The following DNAI2 variants were observed in gnomAD, a reference collection of about 807,000 sequenced individuals.
The protein encoded by DNAI2 is dynein, axonemal, intermediate polypeptide 2.
In DNAI2, 63 loss-of-function variants were observed where a neutral mutation model predicts 74.7. The observed-to-expected ratio is 0.84, with a 90% CI of 0.69 to 1.04. The LOEUF (loss-of-function observed/expected upper bound fraction) is 1.04. Ranked by LOEUF, DNAI2 falls within the 50% of genes least tolerant of loss-of-function variation. DNAI2 has a pLI of 0.00. For missense variants in DNAI2, 688 were observed against 803.2 expected (o/e 0.86, Z 1.73); for synonymous variants, 289 against 314.9 (o/e 0.92, Z 0.87).
At position 74,291,016 on chromosome 17, in the gene DNAI2, A is replaced by G. The variant is rs752506783; in HGVS notation, c.611-4A>G. 37 of 1,613,554 alleles carry G rather than the reference A, an allele frequency of 2.3e-5. No homozygotes were observed. The highest frequency in any genetic ancestry group is 4.4e-5 in the South Asian group (4 of 91,058). ...GGTGGGGATAATTTTTTTGTGCTTT[A>G]TAGAAAACCCCAACAAGCCTGAACT... On this transcript the variant is annotated splice_region_variant and splice_polypyrimidine_tract_variant and intron_variant, in intron 5 of 13. Coordinates refer to ENST00000311014, the MANE Select transcript of DNAI2 (RefSeq NM_023036.6).
At chr17:74,301,254 C>T in intron 8 of DNAI2, 86 bp downstream of exon 8, 2 of 1,591,464 alleles carry the variant, frequency 1.3e-6, no homozygotes, top group Non-Finnish European at 1.7e-6. Context: ...ATATCAGGTG[C>T]TCGTGGAACC....
intron 8 of DNAI2, 97 bp from the exon 9 acceptor site, chr17:74,305,122 C>G (rs1367451554): frequency 1.6e-6 from 2 of 1,279,042 alleles, no homozygotes; most frequent in Non-Finnish European, 2.2e-6. Context: ...GCCTTTCTAG[C>G]GCCTGCAGAC....
At chr17:74,285,958 C>CATATATATAT (rs755199948) in intron 3 of DNAI2, among the ~76,000 whole-genome samples, 2 of 111,768 alleles carry the variant, frequency 1.8e-5, no homozygotes, top group South Asian at 2.7e-4. Context: ...CACACACACA[C>CATATATATAT]ATATATATAT....
intron 12 of DNAI2, 87 bp downstream of exon 12, chr17:74,312,317 G>A: frequency 9.0e-7 from 1 of 1,109,988 alleles, no homozygotes; most frequent in African/African-American, 1.5e-5. Context: ...CGACTTCCTG[G>A]GTGACCTTGA....
chr17:74,296,359 A>AGAGAGAGAGAGAGAGAGGG (rs1416547933), intron 6 of DNAI2, among the ~76,000 whole-genome samples: 1 of 72,294 alleles, frequency 1.4e-5, no homozygotes, highest in Non-Finnish European at 3.7e-5. Flanking sequence ...GAGAGAGAGG[A>AGAGAGAGAGAGAGAGAGGG]AGGGGGAAGG....
In DNAI2 at chr17:74,285,221, C is replaced by T. The variant is rs747475424; in HGVS notation, c.345+20C>T. 3.7e-6 allele frequency: 6 copies of T among 1,612,380 alleles called. No individual in the cohort carries two copies. The highest frequency in any genetic ancestry group is 4.2e-6 in the Non-Finnish European group (5 of 1,179,160). ...GGCTCTGTAAGGCTTCCTCCTGCCC[C>T]AGCTGCAAGAGCCCCATCCATCACT... is the stretch of plus-strand genomic sequence containing the variant. On this transcript the variant is annotated intron_variant, in intron 3 of 13. Transcript: ENST00000311014.
chr17:74,274,455 G>A (rs1054063957), intron 1 of DNAI2, 110 bp downstream of exon 1: 1 of 152,146 alleles, frequency 6.6e-6, no homozygotes, highest in African/African-American at 2.4e-5. Flanking sequence ...TTCCTCTTGG[G>A]GGGCTTCCTT....
chr17:74,290,367 G>C (rs1439741309), intron 5 of DNAI2, among the ~76,000 whole-genome samples: 2 of 152,170 alleles, frequency 1.3e-5, no homozygotes, highest in Non-Finnish European at 2.9e-5. Context: ...GACTCAAGGG[G>C]CGGCGGAATG....
rs35652186 is a variant in DNAI2, at chr17:74,309,332, A to G, written c.1291A>G (p.Thr431Ala). The G allele has an allele frequency of 3.7e-5, 60 of 1,614,100 alleles. No individual in the cohort carries two copies. The African/African-American group carries it at 7.6e-4, about 20-fold the overall frequency. Reference sequence around the variant, plus strand: ...TTTCTTTACCACCAGGATGGACGGAACCCTGGATATCTGGGACTTCATGTT... The same window carrying G: ...TTTCTTTACCACCAGGATGGACGGAGCCCTGGATATCTGGGACTTCATGTT... ...TVFFTTRMDG[T>A]LDIWDFMFEQ... The change falls in exon 10 of 14, where the codon ACC becomes GCC. Residue 431 changes from threonine (T) to alanine (A), a missense_variant. Thr to Ala is a moderately conservative substitution (Grantham distance 58). Coordinates refer to ENST00000311014, the MANE Select transcript of DNAI2 (RefSeq NM_023036.6).
intron 9 of DNAI2, among the ~76,000 whole-genome samples, chr17:74,308,713 G>T (rs574472604): frequency 6.6e-6 from 1 of 151,878 alleles, no homozygotes; most frequent in Non-Finnish European, 1.5e-5. Context: ...GTAGAAACAG[G>T]GTCTTTCCAT....
chr17:74,314,072 G>C, intron 12 of DNAI2, 49 bp from the exon 13 acceptor site: 1 of 1,612,980 alleles, frequency 6.2e-7, no homozygotes, highest in Non-Finnish European at 8.5e-7. Flanking sequence ...GAGTGGGGAA[G>C]GCCTGTCCCC....
At chr17:74,291,766 G>A (rs1451912011) in intron 6 of DNAI2, among the ~76,000 whole-genome samples, 1 of 152,234 alleles carries the variant, frequency 6.6e-6, no homozygotes, top group Non-Finnish European at 1.5e-5. Flanking sequence ...TTTGGGAGAG[G>A]TTTCTGGGAA....
intron 6 of DNAI2, among the ~76,000 whole-genome samples, chr17:74,292,955 G>A (rs566453388): frequency 4.6e-5 from 7 of 151,788 alleles, no homozygotes; most frequent in Admixed American, 2.0e-4. Flanking sequence ...TCAGCCTTCC[G>A]AGTAGCTGGG....
At chr17:74,296,269 G>A (rs912320992) in intron 6 of DNAI2, among the ~76,000 whole-genome samples, 5 of 147,906 alleles carry the variant, frequency 3.4e-5, no homozygotes, top group African/African-American at 7.4e-5. Flanking sequence ...GCATTCAGGA[G>A]TTTGAAACTA....
At chr17:74,291,484 G>A (rs1007246124) in intron 6 of DNAI2, among the ~76,000 whole-genome samples, 3 of 152,146 alleles carry the variant, frequency 2.0e-5, no homozygotes, top group African/African-American at 7.2e-5. Context: ...TTCATAGTCA[G>A]AGCCAATCCT....
At chr17:74,297,596 G>C (rs2052525214) in intron 6 of DNAI2, among the ~76,000 whole-genome samples, 1 of 150,622 alleles carries the variant, frequency 6.6e-6, no homozygotes, top group African/African-American at 2.4e-5. Context: ...TGGCCAGGCT[G>C]TTCTCAAACT....
chr17:74,291,473 A>C (rs2052095759), intron 6 of DNAI2, among the ~76,000 whole-genome samples: 1 of 152,122 alleles, frequency 6.6e-6, no homozygotes, highest in Non-Finnish European at 1.5e-5. Flanking sequence ...CGGGACCCAG[A>C]TTCATAGTCA....
At chr17:74,286,560 A>G (rs889855086) in intron 3 of DNAI2, among the ~76,000 whole-genome samples, 1 of 152,030 alleles carries the variant, frequency 6.6e-6, no homozygotes, top group Middle Eastern at 3.4e-3. Flanking sequence ...AGCTGGGATT[A>G]CAGGCGGCTG....
At chr17:74,282,369 C>T (rs1358352868) in intron 2 of DNAI2, among the ~76,000 whole-genome samples, 1 of 152,024 alleles carries the variant, frequency 6.6e-6, no homozygotes, top group Non-Finnish European at 1.5e-5. Flanking sequence ...GGTACAAACT[C>T]GACTTACTGC....
Sources: gnomAD v4.1 joint callset for allele counts (sites outside exome capture counted in the v4.1 genomes callset) on GRCh38, gnomAD v4.1.1 for gene constraint, MANE v1.5 for transcripts, NCBI Gene and HGNC (gene_info 2026-07-23, HGNC 2026-07-21) for gene names.